Variants in MOCOS observed in about 807,000 individuals in gnomAD.
The protein encoded by MOCOS is human molybdenum cofactor sulfurase.
A neutral mutation model predicts 83.6 loss-of-function variants in MOCOS; 86 were observed. The observed-to-expected ratio is 1.03, with a 90% CI of 0.86 to 1.23. The LOEUF (loss-of-function observed/expected upper bound fraction) is 1.23, where lower values mean the gene tolerates loss of function less well. Ranked by LOEUF, MOCOS falls within the 50% of genes most tolerant of loss-of-function variation. The pLI is 0.00. For synonymous variants in MOCOS, 445 were observed against 434.7 expected, an observed-to-expected ratio of 1.02 and a Z score of -0.29; for missense variants, 1,120 against 1,126.9, an observed-to-expected ratio of 0.99 and a Z score of 0.09.
intron 13 of MOCOS, among the ~76,000 whole-genome samples, chr18:36,263,487 C>A (rs3786278): frequency 0.098 from 14,870 of 152,214 alleles, 925 homozygotes; most frequent in East Asian, 0.22. Flanking sequence ...GGAAGGATGT[C>A]CTTGCATATT....
chr18:36,203,170 C>G lies in MOCOS; in HGVS notation c.999C>G (p.Asp333Glu). 6.2e-7 allele frequency: 1 copy of G among 1,614,140 alleles called. No homozygotes were observed. The highest frequency in any genetic ancestry group is 2.2e-5 in the East Asian group (1 of 44,878). ...LDVIALKHGF[D>E]TLERLTGGME... is the part of the protein sequence containing the mutation. ...TTATCGCGCTAAAACATGGATTTGA[C>G]ACCCTAGAGCGCCTCACAGGTCAGT... The change falls in exon 5 of 15, where the codon GAC becomes GAG. Residue 333 changes from aspartate to glutamate, a missense_variant. Coordinates refer to ENST00000261326, the MANE Select transcript of MOCOS (RefSeq NM_017947.4).
At chr18:36,233,403 T>A (rs1258721749) in intron 9 of MOCOS, among the ~76,000 whole-genome samples, 1 of 152,242 alleles carries the variant, frequency 6.6e-6, no homozygotes, top group Non-Finnish European at 1.5e-5. Flanking sequence ...TGTGTTTGTA[T>A]ACCCACATCA....
At chr18:36,215,453 C>G in intron 7 of MOCOS, 63 bp from the exon 8 acceptor site, 1 of 1,486,144 alleles carries the variant, frequency 6.7e-7, no homozygotes. Context: ...TTTTGCCGAA[C>G]TGTTTCCAGT....
Position 36,268,691 on chromosome 18 carries a change from A to G in MOCOS, c.*6A>G. 6.7e-7 allele frequency: 1 copy of G among 1,503,350 alleles called. No individual in the cohort carries two copies. Among genetic ancestry groups the G allele is most frequent in the Non-Finnish European group, 8.9e-7 (1 of 1,129,708 alleles). 93.1% of individuals were successfully genotyped at this position (1,503,350 alleles called of 1,614,324 possible). On this transcript the variant is annotated 3_prime_UTR_variant, in exon 15 of 15. Transcript: ENST00000261326. ...ACCAGGATGTTACCTCCTAAAAAAA[A>G]TTTTTAGCATAAAGTTTCTCTTTTA...
chr18:36,226,511 A>G (rs2091516057), intron 9 of MOCOS, among the ~76,000 whole-genome samples: 1 of 150,428 alleles, frequency 6.6e-6, no homozygotes, highest in Non-Finnish European at 1.5e-5. Context: ...AAGTCTTTTG[A>G]TTGGAGAGTT....
At position 36,260,072 on chromosome 18, in the gene MOCOS, A is replaced by G. The variant is rs528944930; in HGVS notation, c.2306A>G (p.Lys769Arg). 1 of 1,614,208 alleles carries G rather than the reference A, an allele frequency of 6.2e-7. No individual in the cohort carries two copies. The highest frequency in any genetic ancestry group is 1.1e-5 in the South Asian group (1 of 91,082). ...ENGKEELFSL[K>R]DLSLRFRANI... Reference sequence around the variant, plus strand: ...GGAAAGGAGGAATTATTCTCACTGAAGGATCTCAGCTTGCGTTTTCGTGCC... The same window carrying G: ...GGAAAGGAGGAATTATTCTCACTGAGGGATCTCAGCTTGCGTTTTCGTGCC... Residue 769 changes from lysine to arginine, a missense_variant, in exon 13 of 15, where the codon AAG becomes AGG. Lys to Arg is a conservative substitution (Grantham distance 26). Coordinates refer to ENST00000261326, the MANE Select transcript of MOCOS (RefSeq NM_017947.4).
At position 36,266,938 on chromosome 18, in the gene MOCOS, A is replaced by AT; in HGVS notation, c.2514+92dup. On this transcript the variant is annotated intron_variant, in intron 14 of 14. Coordinates refer to ENST00000261326, the MANE Select transcript of MOCOS (RefSeq NM_017947.4). ...ACTATGTTCATAATAGCACAGAGTT[A>AT]TTTTTTTAAATGGGGGATTTGCTGC... 3 of 1,117,016 alleles carry AT rather than the reference A, an allele frequency of 2.7e-6. No homozygotes were observed. In the South Asian group the frequency reaches 4.0e-5, roughly 15 times the overall value. The allele number at this position is 1,117,016 out of a possible 1,614,324, so 69.2% of individuals were successfully genotyped here. A position where few individuals can be genotyped will look rare whatever the true frequency, so the allele number is the denominator to read the frequency against.
In MOCOS at chr18:36,200,116, A is replaced by G. The variant is rs200314797; in HGVS notation, c.733A>G (p.Thr245Ala). The change falls in exon 4 of 15, where the codon ACC (threonine) becomes GCC (alanine). Residue 245 changes from threonine (T) to alanine (A), a missense_variant. Transcript: ENST00000261326. Reference protein sequence around the residue: ...VLLDAASYVSTSPLDLSAHQA... With the variant: ...VLLDAASYVSASPLDLSAHQA... ...GCTGGATGCAGCCTCCTACGTGAGC[A>G]CCTCGCCTTTGGACCTGTCAGCTCA... 1 of 1,614,110 alleles carries G rather than the reference A, an allele frequency of 6.2e-7. No individual in the cohort carries two copies. Among genetic ancestry groups the G allele is most frequent in the East Asian group, 2.2e-5 (1 of 44,868 alleles).
chr18:36,202,356 T>C (rs2091417951), intron 4 of MOCOS, among the ~76,000 whole-genome samples: 2 of 152,168 alleles, frequency 1.3e-5, no homozygotes, highest in African/African-American at 4.8e-5. Context: ...GGTCTTGCTA[T>C]CTAGAGATGG....
intron 9 of MOCOS, among the ~76,000 whole-genome samples, chr18:36,220,933 G>GA (rs71712889): frequency 0.86 from 124,431 of 144,884 alleles, 54,294 homozygotes; most frequent in Middle Eastern, 0.95. Flanking sequence ...TGTCTCAAAA[G>GA]AAAAAAAAAA....
chr18:36,242,008 G>A (rs564021572), intron 9 of MOCOS, among the ~76,000 whole-genome samples: 12 of 152,336 alleles, frequency 7.9e-5, no homozygotes, highest in South Asian at 2.1e-4. Flanking sequence ...CCTCCGGGCC[G>A]TGATGAGAAG....
intron 9 of MOCOS, among the ~76,000 whole-genome samples, chr18:36,243,112 T>G (rs752795668): frequency 1.3e-5 from 2 of 152,216 alleles, no homozygotes; most frequent in Admixed American, 6.5e-5. Flanking sequence ...CTGATTTGTG[T>G]ACGTTGATTT....
At chr18:36,205,878 T>A (rs1277930802) in intron 6 of MOCOS, among the ~76,000 whole-genome samples, 1 of 152,000 alleles carries the variant, frequency 6.6e-6, no homozygotes, top group East Asian at 1.9e-4. Context: ...TAGCTGGGAT[T>A]ACAGGCACAC....
intron 2 of MOCOS, among the ~76,000 whole-genome samples, chr18:36,198,206 A>G (rs2091397450): frequency 6.6e-6 from 1 of 152,148 alleles, no homozygotes; most frequent in Non-Finnish European, 1.5e-5. Flanking sequence ...TGGGCAGCAC[A>G]GTGAGACCTC....
intron 1 of MOCOS, chr18:36,190,241 CTT>C (rs2091359686): frequency 6.6e-6 from 1 of 152,204 alleles, no homozygotes; most frequent in South Asian, 2.1e-4. Context: ...ATTTCTGAAT[CTT>C]TAGTAAAAGC....
intron 8 of MOCOS, among the ~76,000 whole-genome samples, chr18:36,218,926 T>C (rs1261888): frequency 0.33 from 50,062 of 150,388 alleles, 9,556 homozygotes; most frequent in Admixed American, 0.46. Flanking sequence ...TGGAGTGCAA[T>C]GGCACGATCT....
chr18:36,212,438 C>G lies in MOCOS; in HGVS notation c.1219-928C>G, dbSNP rs375389271. Among the ~76,000 whole-genome samples, 20 of 152,234 alleles carry G rather than the reference C, an allele frequency of 1.3e-4. 1 individual carries two copies. In the South Asian group the frequency reaches 3.5e-3, roughly 27 times the overall value. On this transcript the variant is annotated intron_variant, in intron 6 of 14. Transcript: ENST00000261326. ...GTTGCCTTGTGACGGGAAACCTGACCTGGAGATGGAGTTGGCCAGGCCCAG... is the reference window on the plus strand; with the variant it reads ...GTTGCCTTGTGACGGGAAACCTGACGTGGAGATGGAGTTGGCCAGGCCCAG...
At chr18:36,214,427 A>G (rs1409920902) in intron 7 of MOCOS, among the ~76,000 whole-genome samples, 1 of 152,060 alleles carries the variant, frequency 6.6e-6, no homozygotes, top group East Asian at 1.9e-4. Context: ...TACGGCCTCC[A>G]AGCTAGAGTT....
At chr18:36,222,715 C>T (rs899867108) in intron 9 of MOCOS, among the ~76,000 whole-genome samples, 2 of 151,908 alleles carry the variant, frequency 1.3e-5, no homozygotes, top group African/African-American at 4.8e-5. Context: ...CATTCTCCTG[C>T]CTCAGCCTTC....
Sources: gnomAD v4.1 joint callset for allele counts (sites outside exome capture counted in the v4.1 genomes callset) on GRCh38, gnomAD v4.1.1 for gene constraint, MANE v1.5 for transcripts, NCBI Gene and HGNC (gene_info 2026-07-23, HGNC 2026-07-21) for gene names.